Variants in CDH18 observed in about 807,000 individuals in gnomAD.
The protein encoded by CDH18 is cadherin 18.
CDH18 carries 31 observed loss-of-function variants against 67.9 expected under a neutral mutation model. The ratio of observed to expected loss-of-function variants is 0.46; its 90% CI spans 0.34 to 0.62. CDH18 has a LOEUF of 0.62. Among genes scored for constraint, CDH18 ranks in the 20% least tolerant of loss-of-function variants. The pLI is 0.01. For synonymous variants in CDH18, 362 were observed against 347.2 expected (o/e 1.04, Z -0.48); for missense variants, 890 against 975.5 (o/e 0.91, Z 1.17).
At chr5:19,919,069 C>T (rs10472352) in intron 2 of CDH18, among the ~76,000 whole-genome samples, 7,462 of 151,998 alleles carry the variant, frequency 0.049, 643 homozygotes, top group African/African-American at 0.17. Flanking sequence ...TTAATCAACT[C>T]TGACTATGTA....
chr5:19,877,469 A>C (rs1787154931), intron 2 of CDH18, among the ~76,000 whole-genome samples: 1 of 152,188 alleles, frequency 6.6e-6, no homozygotes, highest in African/African-American at 2.4e-5. Context: ...ATAGGCACAT[A>C]AAAGTATAGA....
At chr5:19,725,738 C>T (rs183184006) in intron 4 of CDH18, among the ~76,000 whole-genome samples, 2 of 152,230 alleles carry the variant, frequency 1.3e-5, no homozygotes, top group South Asian at 2.1e-4. Flanking sequence ...CACTGAACTC[C>T]GACTTGGGCA....
At chr5:19,590,245 T>G (rs1744873208) in intron 7 of CDH18, among the ~76,000 whole-genome samples, 1 of 151,976 alleles carries the variant, frequency 6.6e-6, no homozygotes, top group African/African-American at 2.4e-5. Flanking sequence ...AGAAAAAAAA[T>G]TTACAATGAG....
At chr5:20,165,509 A>C (rs1163162685) in intron 2 of CDH18, among the ~76,000 whole-genome samples, 1 of 152,094 alleles carries the variant, frequency 6.6e-6, no homozygotes, top group Non-Finnish European at 1.5e-5. Flanking sequence ...AATATTTTAG[A>C]CTTTGAAATA....
chr5:19,479,589 A>G (rs1469005986), intron 12 of CDH18, among the ~76,000 whole-genome samples: 1 of 152,158 alleles, frequency 6.6e-6, no homozygotes, highest in African/African-American at 2.4e-5. Flanking sequence ...CTTTTAGAGC[A>G]TCTTCTCACC....
chr5:20,029,873 G>T (rs1035236609), intron 2 of CDH18, among the ~76,000 whole-genome samples: 3 of 152,144 alleles, frequency 2.0e-5, no homozygotes, highest in Non-Finnish European at 4.4e-5. Context: ...TCGCAAGGCT[G>T]AACTTAAGGT....
rs184616074 is a variant in CDH18, at chr5:19,486,845, C to T, written c.1631-3293G>A. Among the ~76,000 whole-genome samples the T allele has an allele frequency of 2.9e-3, 442 of 151,800 alleles. 3 individuals are homozygous for T. The highest frequency in any genetic ancestry group is 0.01 in the African/African-American group (423 of 41,412). On this transcript the variant is annotated intron_variant, in intron 11 of 12. Coordinates refer to ENST00000382275, the MANE Select transcript of CDH18 (RefSeq NM_004934.5). ...TATTATAGAAAGTCTCAAATGGCAT[C>T]CAAATGAATAAGAAAAATTAATATA...
At chr5:19,586,633 T>C (rs1357532488) in intron 7 of CDH18, among the ~76,000 whole-genome samples, 1 of 152,178 alleles carries the variant, frequency 6.6e-6, no homozygotes, top group African/African-American at 2.4e-5. Context: ...GTTGATTCCA[T>C]GTCTTTACTA....
chr5:19,616,038 G>A (rs1749774773), intron 5 of CDH18, among the ~76,000 whole-genome samples: 1 of 151,934 alleles, frequency 6.6e-6, no homozygotes, highest in African/African-American at 2.4e-5. Context: ...AACTCATTTG[G>A]GTAAACACAA....
intron 3 of CDH18, among the ~76,000 whole-genome samples, chr5:19,774,444 A>AAATAAAATAAAATAT (rs1774072344): frequency 6.6e-6 from 1 of 150,942 alleles, no homozygotes; most frequent in Admixed American, 6.6e-5. Flanking sequence ...AAATAAAATA[A>AAATAAAATAAAATAT]AATAAATAAA....
At chr5:19,654,045 T>A (rs1229278944) in intron 5 of CDH18, among the ~76,000 whole-genome samples, 1 of 152,202 alleles carries the variant, frequency 6.6e-6, no homozygotes, top group East Asian at 1.9e-4. Flanking sequence ...ATAAATCTCA[T>A]ACTTCTCATC....
At chr5:19,506,211 A>G (rs2450436) in intron 10 of CDH18, among the ~76,000 whole-genome samples, 77,327 of 151,888 alleles carry the variant, frequency 0.51, 19,947 homozygotes, top group South Asian at 0.58. Context: ...GGGACATGAA[A>G]GACGTCTTAA....
chr5:20,046,633 T>G (rs1227432338), intron 2 of CDH18, among the ~76,000 whole-genome samples: 2 of 148,446 alleles, frequency 1.3e-5, no homozygotes, highest in African/African-American at 4.9e-5. Flanking sequence ...ATAAAATATA[T>G]AAAATATAAA....
At chr5:20,333,532 C>T (rs143271663) in intron 1 of CDH18, among the ~76,000 whole-genome samples, 12,374 of 139,500 alleles carry the variant, frequency 0.089, 876 homozygotes, top group East Asian at 0.35. Context: ...TATATATACA[C>T]ACACACACAC....
chr5:20,434,830 A>G (rs1749047235), intron 1 of CDH18, among the ~76,000 whole-genome samples: 1 of 151,918 alleles, frequency 6.6e-6, no homozygotes. Context: ...ATTCAGGTGA[A>G]ATAGGAGTAA....
intron 5 of CDH18, among the ~76,000 whole-genome samples, chr5:19,640,706 C>A (rs1337643285): frequency 1.3e-5 from 2 of 151,880 alleles, no homozygotes; most frequent in African/African-American, 2.4e-5. Context: ...CCCAAGAAGA[C>A]AGTTTAAAGC....
intron 9 of CDH18, among the ~76,000 whole-genome samples, chr5:19,540,278 T>G (rs1242917145): frequency 6.6e-6 from 1 of 152,080 alleles, no homozygotes; most frequent in Non-Finnish European, 1.5e-5. Flanking sequence ...CCCATGGGCT[T>G]GGGCTGGTCC....
chr5:19,766,751 C>A (rs549959539), intron 3 of CDH18, among the ~76,000 whole-genome samples: 42 of 152,250 alleles, frequency 2.8e-4, no homozygotes, highest in African/African-American at 1.0e-3. Flanking sequence ...ATCTAATCCC[C>A]TTCAAACTAG....
chr5:20,464,774 T>C (rs1299683164), intron 1 of CDH18, among the ~76,000 whole-genome samples: 1 of 152,048 alleles, frequency 6.6e-6, no homozygotes, highest in African/African-American at 2.4e-5. Flanking sequence ...ACAATTGAGA[T>C]GGCAAGGAAG....
Sources: allele counts gnomAD v4.1 joint callset (sites outside exome capture counted in the v4.1 genomes callset), GRCh38; gene constraint gnomAD v4.1.1; transcripts MANE v1.5; gene names NCBI Gene and HGNC (gene_info 2026-07-23, HGNC 2026-07-21).